Variants in TPH2 observed in about 807,000 individuals in gnomAD.
TPH2 encodes the protein tryptophan hydroxylase 2, also known as tryptophan 5-hydroxylase 2.
TPH2 carries 27 observed loss-of-function variants against 59.1 expected under a neutral mutation model. The ratio of observed to expected loss-of-function variants is 0.46; its 90% CI spans 0.34 to 0.63. The LOEUF (loss-of-function observed/expected upper bound fraction) is 0.63. TPH2 is among the 30% of genes least tolerant of loss of function. The probability of loss-of-function intolerance (pLI) is 0.01; values close to 1 mark genes in which losing one functional copy is unlikely to be tolerated. For synonymous variants in TPH2, 220 were observed against 210.5 expected (o/e 1.05, Z -0.39); for missense variants, 523 against 588.3 (o/e 0.89, Z 1.15).
In TPH2 at chr12:71,997,513, G is replaced by A. The variant is rs115776507; in HGVS notation, c.1068+2948G>A. Among the ~76,000 whole-genome samples the A allele has an allele frequency of 8.0e-3, 1,222 of 152,244 alleles. 18 individuals are homozygous for A. Among genetic ancestry groups the A allele is most frequent in the African/African-American group, 0.028 (1,159 of 41,534 alleles). The stretch of plus-strand genomic sequence containing the variant: ...TTGTAGGATGAGTAAGTTTTCTTTA[G>A]GAGCTTGCATTCCTTAGGATAATTC... On this transcript the variant is annotated intron_variant, in intron 8 of 10. Transcript: ENST00000333850.
chr12:71,949,651 A>G lies in TPH2; in HGVS notation c.604A>G (p.Lys202Glu). ...TTTTGTGGATGTGGCCATGGGTTAT[A>G]AATAGTAAGTACCTGTATAACTCTT... The part of the protein sequence containing the change: ...KYFVDVAMGY[K>E]YGQPIPRVEY... The change falls in exon 5 of 11, where the codon AAA (lysine) becomes GAA (glutamate). Residue 202 changes from lysine to glutamate, a missense_variant. Lys to Glu is a moderately conservative substitution (Grantham distance 56, BLOSUM62 1). Coordinates refer to ENST00000333850, the MANE Select transcript of TPH2 (RefSeq NM_173353.4). 6.2e-7 allele frequency: 1 copy of G among 1,612,206 alleles called. No homozygotes were observed.
intron 8 of TPH2, among the ~76,000 whole-genome samples, chr12:72,021,146 A>G (rs976500979): frequency 1.9e-4 from 29 of 152,234 alleles, no homozygotes; most frequent in African/African-American, 6.5e-4. Context: ...TGTTGTCAGC[A>G]TCTCACTTTT....
At chr12:71,977,759 C>G (rs993166295) in intron 6 of TPH2, among the ~76,000 whole-genome samples, 15 of 152,154 alleles carry the variant, frequency 9.9e-5, no homozygotes, top group African/African-American at 3.6e-4. Flanking sequence ...GTTGAGGACT[C>G]ATTGTATGTG....
intron 8 of TPH2, among the ~76,000 whole-genome samples, chr12:72,020,898 C>T (rs1159722095): frequency 1.3e-5 from 2 of 152,144 alleles, no homozygotes; most frequent in Non-Finnish European, 2.9e-5. Flanking sequence ...CAGCTCAGTG[C>T]TGCAGAGCTT....
intron 7 of TPH2, among the ~76,000 whole-genome samples, chr12:71,982,516 C>T (rs1872313390): frequency 6.6e-6 from 1 of 152,124 alleles, no homozygotes; most frequent in African/African-American, 2.4e-5. Flanking sequence ...TCTTTTTAAT[C>T]CTTGTATATT....
chr12:71,960,637 C>T (rs1871652716), intron 5 of TPH2, among the ~76,000 whole-genome samples: 1 of 152,074 alleles, frequency 6.6e-6, no homozygotes, highest in Admixed American at 6.6e-5. Context: ...GTGTGAATGC[C>T]TCAGTAGGAT....
chr12:71,959,611 G>A (rs1025069586), intron 5 of TPH2, among the ~76,000 whole-genome samples: 3 of 152,220 alleles, frequency 2.0e-5, no homozygotes, highest in Admixed American at 6.5e-5. Flanking sequence ...CATGAGAGAA[G>A]AGGCATGATT....
chr12:71,975,206 G>A (rs760914845), intron 6 of TPH2, among the ~76,000 whole-genome samples: 2 of 152,062 alleles, frequency 1.3e-5, no homozygotes, highest in Non-Finnish European at 1.5e-5. Flanking sequence ...TTGGCTGGGC[G>A]TGGTGGTGGG....
At chr12:71,983,629 A>G (rs1164077179) in intron 7 of TPH2, among the ~76,000 whole-genome samples, 1 of 152,142 alleles carries the variant, frequency 6.6e-6, no homozygotes, top group Non-Finnish European at 1.5e-5. Flanking sequence ...ATCTTTTAGA[A>G]CAGGGTTACT....
chr12:71,969,309 T>C (rs914098566), intron 5 of TPH2, among the ~76,000 whole-genome samples: 1 of 152,042 alleles, frequency 6.6e-6, no homozygotes, highest in Non-Finnish European at 1.5e-5. Context: ...TACATAATGA[T>C]ATACAAGGAT....
At chr12:71,978,338 G>A (rs536527795) in intron 6 of TPH2, among the ~76,000 whole-genome samples, 2 of 152,162 alleles carry the variant, frequency 1.3e-5, no homozygotes, top group Non-Finnish European at 2.9e-5. Context: ...TAGTGGTATA[G>A]GGCAGGTTTA....
intron 7 of TPH2, among the ~76,000 whole-genome samples, chr12:71,985,119 GTTGTTA>G (rs1322082035): frequency 2.0e-5 from 3 of 152,188 alleles, no homozygotes; most frequent in Non-Finnish European, 4.4e-5. Flanking sequence ...AACACTTTGA[GTTGTTA>G]TATTATTATT....
In TPH2 at chr12:71,941,719, C is replaced by T; in HGVS notation, c.241C>T (p.Leu81=). 6.2e-7 allele frequency: 1 copy of T among 1,614,028 alleles called. No individual in the cohort carries two copies. Among genetic ancestry groups the T allele is most frequent in the Non-Finnish European group, 8.5e-7 (1 of 1,179,928 alleles). ...KNEVGGLVKA[L]RLFQEKRVNM... is the part of the protein sequence containing the mutation. ...TGAAGTTGGTGGATTGGTAAAAGCA[C>T]TGAGGCTCTTTCAGGTGAATGTGAA... Residue 81 remains leucine, a synonymous_variant, in exon 2 of 11, where the codon CTG becomes TTG. Coordinates refer to ENST00000333850, the MANE Select transcript of TPH2 (RefSeq NM_173353.4).
chr12:71,958,874 A>G (rs1871593064), intron 5 of TPH2, among the ~76,000 whole-genome samples: 1 of 152,204 alleles, frequency 6.6e-6, no homozygotes, highest in Admixed American at 6.5e-5. Context: ...CAGAGACCCT[A>G]AAACAAAACA....
At chr12:72,012,267 C>T (rs975365081) in intron 8 of TPH2, among the ~76,000 whole-genome samples, 3 of 152,286 alleles carry the variant, frequency 2.0e-5, no homozygotes, top group African/African-American at 7.2e-5. Context: ...GTGGAGAGGA[C>T]AGGCAGGAAG....
chr12:71,985,089 A>G (rs118136032), intron 7 of TPH2, among the ~76,000 whole-genome samples: 40 of 152,304 alleles, frequency 2.6e-4, no homozygotes, highest in Non-Finnish European at 4.6e-4. Context: ...TAATGTATGG[A>G]TGGACTCACC....
chr12:71,988,376 G>C (rs1056039748), intron 7 of TPH2, among the ~76,000 whole-genome samples: 1 of 152,134 alleles, frequency 6.6e-6, no homozygotes, highest in Admixed American at 6.5e-5. Flanking sequence ...GGTTTAATTG[G>C]CTCGCGGTTC....
intron 5 of TPH2, 113 bp from the exon 6 acceptor site, chr12:71,972,406 C>T (rs7963720): frequency 0.55 from 534,653 of 967,504 alleles, 149,860 homozygotes; most frequent in Middle Eastern, 0.59. Flanking sequence ...TCCTTTCAGA[C>T]GCTCATGTGC....
At chr12:72,024,126 A>G (rs1242462247) in intron 9 of TPH2, among the ~76,000 whole-genome samples, 1 of 152,208 alleles carries the variant, frequency 6.6e-6, no homozygotes, top group African/African-American at 2.4e-5. Flanking sequence ...AGTACATTTT[A>G]GTGCAAGAGA....
Sources: gnomAD v4.1 joint callset for allele counts (sites outside exome capture counted in the v4.1 genomes callset) on GRCh38, gnomAD v4.1.1 for gene constraint, MANE v1.5 for transcripts, NCBI Gene and HGNC (gene_info 2026-07-23, HGNC 2026-07-21) for gene names.